WWOX: variants seen among roughly 807,000 people sequenced by gnomAD.
WWOX encodes the protein WW domain-containing oxidoreductase.
In WWOX, 69 loss-of-function variants were observed where a neutral mutation model predicts 46.2. That is an observed-to-expected ratio of 1.49 (90% CI 1.23 to 1.82). The LOEUF (loss-of-function observed/expected upper bound fraction) is 1.82. Among genes scored for constraint, WWOX ranks in the 40% most tolerant of loss-of-function variants. The pLI, the probability that WWOX is intolerant of heterozygous loss-of-function variation, is 0.00. For synonymous variants in WWOX, 359 were observed against 202.6 expected (o/e 1.77, Z -6.56); for missense variants, 919 against 542.6 (o/e 1.69, Z -6.89).
chr16:78,425,196 TC>T (rs1334160478), intron 7 of WWOX, 141 bp downstream of exon 7: 3 of 1,149,186 alleles, frequency 2.6e-6, no homozygotes, highest in Non-Finnish European at 3.8e-6. Context: ...ACTTAATTTT[TC>T]CAGGTCTTTT....
chr16:78,714,221 A>T (rs965511786), intron 8 of WWOX, among the ~76,000 whole-genome samples: 1 of 152,120 alleles, frequency 6.6e-6, no homozygotes, highest in African/African-American at 2.4e-5. Flanking sequence ...GACATACCTG[A>T]GATGGGGTAA....
At chr16:78,920,463 C>T (rs746325365) in intron 8 of WWOX, among the ~76,000 whole-genome samples, 22 of 152,156 alleles carry the variant, frequency 1.4e-4, no homozygotes, top group South Asian at 2.1e-4. Context: ...CTGTGATTTT[C>T]GCTGACCCCG....
chr16:78,700,939 T>A (rs1322270794), intron 8 of WWOX, among the ~76,000 whole-genome samples: 2 of 152,146 alleles, frequency 1.3e-5, no homozygotes, highest in Admixed American at 1.3e-4. Context: ...GAAATTGATA[T>A]TTATTGAGGG....
chr16:78,579,458 C>G (rs763786142), intron 8 of WWOX, among the ~76,000 whole-genome samples: 3 of 152,018 alleles, frequency 2.0e-5, no homozygotes, highest in African/African-American at 7.2e-5. Context: ...AGGGGAGGAG[C>G]GTGAGTTCCT....
chr16:78,997,803 A>G (rs1039021387), intron 8 of WWOX, among the ~76,000 whole-genome samples: 1 of 151,964 alleles, frequency 6.6e-6, no homozygotes, highest in Non-Finnish European at 1.5e-5. Flanking sequence ...ACCGGAATAG[A>G]TTTTCTCTGC....
intron 5 of WWOX, among the ~76,000 whole-genome samples, chr16:78,345,148 G>A (rs9927068): frequency 0.23 from 26,642 of 117,022 alleles, 8,480 homozygotes; most frequent in African/African-American, 0.38. Context: ...AAGTCGATCA[G>A]GTGGCTGAGG....
intron 8 of WWOX, among the ~76,000 whole-genome samples, chr16:78,778,168 G>A (rs1194987830): frequency 6.6e-6 from 1 of 152,028 alleles, no homozygotes; most frequent in African/African-American, 2.4e-5. Flanking sequence ...CACACAGTTA[G>A]CTTTATAGTT....
intron 8 of WWOX, among the ~76,000 whole-genome samples, chr16:78,731,682 C>T (rs1462512446): frequency 1.3e-5 from 2 of 152,078 alleles, no homozygotes; most frequent in African/African-American, 2.4e-5. Flanking sequence ...CAAGCATCGT[C>T]ATGATCATTA....
chr16:78,634,817 A>T (rs2046525689), intron 8 of WWOX, among the ~76,000 whole-genome samples: 1 of 100,248 alleles, frequency 1.0e-5, no homozygotes, highest in African/African-American at 4.5e-5. Context: ...GACTGGAGAG[A>T]GAGAGAGAGA....
intron 8 of WWOX, among the ~76,000 whole-genome samples, chr16:79,175,695 G>C (rs2050786272): frequency 6.6e-6 from 1 of 152,180 alleles, no homozygotes. Context: ...GCAGGCCTGT[G>C]TGCCTGTTCT....
At chr16:78,361,625 TG>T (rs1419535735) in intron 5 of WWOX, among the ~76,000 whole-genome samples, 1 of 152,112 alleles carries the variant, frequency 6.6e-6, no homozygotes. Flanking sequence ...CTTTTCTTTT[TG>T]TTGAGACAAA....
At chr16:78,303,135 G>C (rs997812641) in intron 5 of WWOX, among the ~76,000 whole-genome samples, 1 of 152,234 alleles carries the variant, frequency 6.6e-6, no homozygotes, top group Middle Eastern at 3.4e-3. Context: ...AAGGTATAGA[G>C]TATTTGTCTT....
intron 8 of WWOX, among the ~76,000 whole-genome samples, chr16:78,880,634 C>G (rs145422588): frequency 1.1e-4 from 16 of 152,140 alleles, no homozygotes; most frequent in Non-Finnish European, 8.8e-5. Flanking sequence ...CCCTTTGCTC[C>G]TTATTTATTA....
At chr16:78,532,621 T>A (rs1185344384) in intron 8 of WWOX, among the ~76,000 whole-genome samples, 1 of 152,042 alleles carries the variant, frequency 6.6e-6, no homozygotes, top group Non-Finnish European at 1.5e-5. Context: ...AAGAAAAAGG[T>A]TTATTGGACT....
chr16:78,309,803 TGTG>T (rs1485965380), intron 5 of WWOX, among the ~76,000 whole-genome samples: 1 of 152,230 alleles, frequency 6.6e-6, no homozygotes, highest in Non-Finnish European at 1.5e-5. Flanking sequence ...GTGTCTGTCT[TGTG>T]GTCCTGAAGT....
intron 8 of WWOX, among the ~76,000 whole-genome samples, chr16:78,856,564 A>G (rs1106696): frequency 0.2 from 29,795 of 152,016 alleles, 3,216 homozygotes; most frequent in South Asian, 0.31. Context: ...AATCCCTTGA[A>G]CCCAGGAGGC....
intron 6 of WWOX, among the ~76,000 whole-genome samples, chr16:78,423,603 G>A (rs529683228): frequency 6.6e-6 from 1 of 152,172 alleles, no homozygotes; most frequent in Non-Finnish European, 1.5e-5. Flanking sequence ...CTAGGCAGAA[G>A]GATTGCTTGA....
intron 8 of WWOX, among the ~76,000 whole-genome samples, chr16:78,994,969 C>CTTTTTTTTTTTTTTTTT (rs869088414): frequency 4.8e-4 from 55 of 114,618 alleles, no homozygotes; most frequent in Non-Finnish European, 7.1e-4. Flanking sequence ...TCTTCTTCTT[C>CTTTTTTTTTTTTTTTTT]TTTTTTTTTT....
intron 8 of WWOX, among the ~76,000 whole-genome samples, chr16:78,784,805 A>G (rs1432031014): frequency 2.0e-5 from 3 of 152,146 alleles, no homozygotes; most frequent in Admixed American, 1.3e-4. Context: ...AAGGACTCAC[A>G]TGTGTCGGTC....
Sources: gnomAD v4.1 joint callset for allele counts (sites outside exome capture counted in the v4.1 genomes callset) on GRCh38, gnomAD v4.1.1 for gene constraint, MANE v1.5 for transcripts, NCBI Gene and HGNC (gene_info 2026-07-23, HGNC 2026-07-21) for gene names.